Variants in CYP2C19 observed in about 807,000 individuals in gnomAD.
CYP2C19 encodes the protein cytochrome P450 family 2 subfamily C member 19, also known as cytochrome P450 2C19.
In CYP2C19, 59 loss-of-function variants were observed where a neutral mutation model predicts 40.9. That is an observed-to-expected ratio of 1.44 (90% confidence interval 1.17 to 1.79). The LOEUF is 1.79. Among genes scored for constraint, CYP2C19 ranks in the 40% most tolerant of loss-of-function variants. The pLI is 0.00. For synonymous variants in CYP2C19, 253 were observed against 208.7 expected (o/e 1.21, Z -1.83); for missense variants, 754 against 596.9 (o/e 1.26, Z -2.74).
intron 6 of CYP2C19, among the ~76,000 whole-genome samples, chr10:94,838,204 A>G (rs990703012): frequency 1.3e-5 from 2 of 151,986 alleles, no homozygotes; most frequent in African/African-American, 2.4e-5. Flanking sequence ...ACCAATCTCC[A>G]TGTTCTGATT....
At chr10:94,769,217 C>G (rs1244813761) in intron 1 of CYP2C19, among the ~76,000 whole-genome samples, 1 of 152,128 alleles carries the variant, frequency 6.6e-6, no homozygotes, top group African/African-American at 2.4e-5. Flanking sequence ...GAGTACCCTG[C>G]TGGCATGAGG....
chr10:94,818,729 T>C (rs1457353425), intron 5 of CYP2C19, among the ~76,000 whole-genome samples: 8 of 149,188 alleles, frequency 5.4e-5, no homozygotes, highest in African/African-American at 9.9e-5. Context: ...GTGATTTTTG[T>C]ACATTGATTT....
intron 5 of CYP2C19, 82 bp from the exon 6 acceptor site, chr10:94,820,414 A>G (rs555089598): frequency 4.7e-6 from 7 of 1,488,938 alleles, no homozygotes; most frequent in South Asian, 3.4e-5. Flanking sequence ...TGGTAAGTAT[A>G]CAATGTGAGT....
intron 5 of CYP2C19, among the ~76,000 whole-genome samples, chr10:94,795,684 A>G (rs1176896713): frequency 6.6e-6 from 1 of 152,086 alleles, no homozygotes; most frequent in Non-Finnish European, 1.5e-5. Flanking sequence ...TGACTTTTTA[A>G]TGATCACTGT....
At chr10:94,783,652 T>C (rs1313427858) in intron 5 of CYP2C19, among the ~76,000 whole-genome samples, 3 of 152,156 alleles carry the variant, frequency 2.0e-5, no homozygotes, top group Non-Finnish European at 4.4e-5. Flanking sequence ...TTGATCTATG[T>C]GTCTGTCCTA....
chr10:94,768,408 G>C (rs923182419), intron 1 of CYP2C19, among the ~76,000 whole-genome samples: 2 of 152,126 alleles, frequency 1.3e-5, no homozygotes, highest in Non-Finnish European at 2.9e-5. Context: ...ATCTCAGGTG[G>C]CATAAATCTG....
chr10:94,794,610 G>A (rs1848656690), intron 5 of CYP2C19, among the ~76,000 whole-genome samples: 1 of 151,996 alleles, frequency 6.6e-6, no homozygotes, highest in South Asian at 2.1e-4. Context: ...CCTTGAAGAG[G>A]TCCTTCACAT....
In CYP2C19 at chr10:94,775,044, A is replaced by G. The variant is rs149702989; in HGVS notation, c.169-14A>G. 9.3e-6 allele frequency: 15 copies of G among 1,613,642 alleles called. No homozygotes were observed. Among genetic ancestry groups the G allele is most frequent in the Admixed American group, 3.3e-5 (2 of 59,996 alleles). ...AGTGACTTCATTTGCTGTTAACTGT[A>G]TCTCCTTTTCTAGCTCTCAAAAATC... On this transcript the variant is annotated splice_polypyrimidine_tract_variant and intron_variant, in intron 1 of 8. Transcript: ENST00000371321.
chr10:94,784,605 C>CATTA (rs1254897775), intron 5 of CYP2C19, among the ~76,000 whole-genome samples: 1 of 151,646 alleles, frequency 6.6e-6, no homozygotes, highest in Admixed American at 6.6e-5. Flanking sequence ...AGTGGTATCT[C>CATTA]ATTATTTATT....
chr10:94,841,037 C>T, intron 6 of CYP2C19, among the ~76,000 whole-genome samples: 1 of 152,260 alleles, frequency 6.6e-6, no homozygotes, highest in South Asian at 2.1e-4. Flanking sequence ...TCACAGAGCT[C>T]CCAAGATGGT....
chr10:94,780,806 A>T, intron 4 of CYP2C19, 147 bp downstream of exon 4: 2 of 877,196 alleles, frequency 2.3e-6, no homozygotes, highest in Non-Finnish European at 3.5e-6. Flanking sequence ...TCTGGAAAAG[A>T]TGGCAAAGTT....
intron 5 of CYP2C19, among the ~76,000 whole-genome samples, chr10:94,791,029 T>A (rs1848598897): frequency 6.6e-6 from 1 of 152,140 alleles, no homozygotes; most frequent in Non-Finnish European, 1.5e-5. Flanking sequence ...CTATTAATTA[T>A]TGCCTCAATT....
chr10:94,817,349 A>C (rs112029676), intron 5 of CYP2C19, among the ~76,000 whole-genome samples: 9,750 of 149,184 alleles, frequency 0.065, 356 homozygotes, highest in South Asian at 0.12. Flanking sequence ...GCATTTTTTC[A>C]TGTGTTTTTT....
At chr10:94,793,185 G>C (rs1438049110) in intron 5 of CYP2C19, among the ~76,000 whole-genome samples, 6 of 152,106 alleles carry the variant, frequency 3.9e-5, no homozygotes, top group African/African-American at 1.4e-4. Flanking sequence ...TAGTTCTCAT[G>C]ACATGGTTTT....
chr10:94,781,942 T>A lies in CYP2C19; in HGVS notation c.764T>A (p.Met255Lys), dbSNP rs749678783. ...LEKVKEHQESMDINNPRDFID... is the reference protein window; with the variant it reads ...LEKVKEHQESKDINNPRDFID... ...AAAGTAAAAGAACACCAAGAATCGA[T>A]GGACATCAACAACCCTCGGGACTTT... Residue 255 changes from methionine (M) to lysine (K), a missense_variant, in exon 5 of 9, where the codon ATG becomes AAG. By Grantham distance (95) the Met-to-Lys change is moderately conservative. Coordinates refer to ENST00000371321, the MANE Select transcript of CYP2C19 (RefSeq NM_000769.4). The A allele has an allele frequency of 1.3e-6, 2 of 1,513,900 alleles. No homozygotes were observed. The highest frequency in any genetic ancestry group is 8.8e-7 in the Non-Finnish European group (1 of 1,142,428). 93.8% of individuals were successfully genotyped at this position (1,513,900 alleles called of 1,614,324 possible). A position where few individuals can be genotyped will look rare whatever the true frequency, so the allele number is the denominator to read the frequency against.
intron 6 of CYP2C19, among the ~76,000 whole-genome samples, chr10:94,835,909 G>A (rs913388786): frequency 5.9e-5 from 9 of 152,098 alleles, no homozygotes; most frequent in African/African-American, 2.2e-4. Context: ...TGTGTACCTC[G>A]CTTTTTGAAG....
At position 94,781,858 on chromosome 10, in the gene CYP2C19, C is replaced by T. The variant is rs6413438; in HGVS notation, c.680C>T (p.Pro227Leu). The T allele has an allele frequency of 2.4e-4, 354 of 1,471,456 alleles. 1 individual carries two copies. In the African/African-American group the frequency reaches 2.8e-3, roughly 12 times the overall value. 91.1% of individuals were successfully genotyped at this position (1,471,456 alleles called of 1,614,324 possible). A position where few individuals can be genotyped will look rare whatever the true frequency, so the allele number is the denominator to read the frequency against. Residue 227 changes from proline to leucine, a missense_variant, in exon 5 of 9, where the codon CCG (proline) becomes CTG (leucine). By Grantham distance (98) the Pro-to-Leu change is moderately conservative. Coordinates refer to ENST00000371321, the MANE Select transcript of CYP2C19 (RefSeq NM_000769.4). ...TTTCCCACTATCATTGATTATTTCC[C>T]GGGAACCCATAACAAATTACTTAAA... ...NNFPTIIDYF[P>L]GTHNKLLKNL...
At position 94,820,672 on chromosome 10, in the gene CYP2C19, G is replaced by A. The variant is rs772316406; in HGVS notation, c.961+35G>A. 4 of 1,613,670 alleles carry A rather than the reference G, an allele frequency of 2.5e-6. No homozygotes were observed. The African/African-American group carries it at 4.0e-5, about 16-fold the overall frequency. On this transcript the variant is annotated intron_variant, in intron 6 of 8. Coordinates refer to ENST00000371321, the MANE Select transcript of CYP2C19 (RefSeq NM_000769.4). Reference sequence around the variant, plus strand: ...CAGAGGATGAGTTAATTGAGTTTTAGGAAAGATGTTGGGAAGGTGCTGCTA... The same window carrying A: ...CAGAGGATGAGTTAATTGAGTTTTAAGAAAGATGTTGGGAAGGTGCTGCTA...
intron 6 of CYP2C19, 112 bp downstream of exon 6, chr10:94,820,749 G>T: frequency 7.5e-7 from 1 of 1,341,464 alleles, no homozygotes; most frequent in Non-Finnish European, 1.0e-6. Flanking sequence ...AAATTTCTGT[G>T]CCCGCAGCTG....
Sources: allele counts gnomAD v4.1 joint callset (sites outside exome capture counted in the v4.1 genomes callset), GRCh38; gene constraint gnomAD v4.1.1; transcripts MANE v1.5; gene names NCBI Gene and HGNC (gene_info 2026-07-23, HGNC 2026-07-21).